ASPH: variants seen among roughly 807,000 people sequenced by gnomAD.
ASPH encodes aspartate beta-hydroxylase, also known as aspartyl/asparaginyl beta-hydroxylase.
Under a neutral mutation model 118.4 loss-of-function variants are expected in ASPH, and 100 were observed. The ratio of observed to expected loss-of-function variants is 0.84; its 90% CI spans 0.72 to 1.00. The LOEUF is 1.00. Ranked by LOEUF, ASPH falls within the 50% of genes least tolerant of loss-of-function variation. The pLI, the probability that ASPH is intolerant of heterozygous loss-of-function variation, is 0.00. For synonymous variants in ASPH, 315 were observed against 325.6 expected, an observed-to-expected ratio of 0.97 and a Z score of 0.35; for missense variants, 920 against 919.5, an observed-to-expected ratio of 1.00 and a Z score of -0.01.
intron 3 of ASPH, chr8:61,676,186 C>A (rs1266694499): frequency 2.5e-6 from 4 of 1,598,926 alleles, no homozygotes; most frequent in Non-Finnish European, 3.4e-6. Flanking sequence ...CTTCTTCTAG[C>A]ATTTCAAAAG....
At chr8:61,605,266 A>G (rs181785512) in intron 14 of ASPH, among the ~76,000 whole-genome samples, 1 of 152,312 alleles carries the variant, frequency 6.6e-6, no homozygotes, top group East Asian at 1.9e-4. Context: ...ATATCAGATT[A>G]CTCTTCTATT....
chr8:61,554,682 C>CA (rs1563799522), intron 19 of ASPH, among the ~76,000 whole-genome samples: 1 of 150,828 alleles, frequency 6.6e-6, no homozygotes, highest in Non-Finnish European at 1.5e-5. Flanking sequence ...GTAGAAAATT[C>CA]TTTTTTTTTA....
chr8:61,585,817 A>C (rs1251133256), intron 14 of ASPH, among the ~76,000 whole-genome samples: 2 of 152,180 alleles, frequency 1.3e-5, no homozygotes, highest in Non-Finnish European at 2.9e-5. Flanking sequence ...CAGGGGTCTG[A>C]GTCCCAGCTC....
At chr8:61,698,892 C>T (rs941434819) in intron 1 of ASPH, among the ~76,000 whole-genome samples, 5 of 152,216 alleles carry the variant, frequency 3.3e-5, no homozygotes, top group Non-Finnish European at 7.3e-5. Flanking sequence ...TAAACACCAA[C>T]AATGGCTGCA....
At chr8:61,538,233 C>T (rs189555206) in intron 21 of ASPH, among the ~76,000 whole-genome samples, 3 of 152,160 alleles carry the variant, frequency 2.0e-5, no homozygotes, top group Non-Finnish European at 4.4e-5. Context: ...TTATGGAGCC[C>T]TTTTAAAAAG....
intron 22 of ASPH, among the ~76,000 whole-genome samples, chr8:61,521,386 C>T (rs558030639): frequency 7.2e-6 from 1 of 139,648 alleles, no homozygotes; most frequent in Non-Finnish European, 1.5e-5. Flanking sequence ...CTAGTGCTCA[C>T]TGATCCTAGT....
chr8:61,643,654 A>G (rs1181182063), intron 8 of ASPH, among the ~76,000 whole-genome samples: 4 of 152,246 alleles, frequency 2.6e-5, no homozygotes, highest in African/African-American at 7.2e-5. Context: ...GAATGACTTT[A>G]TAGTACATCA....
intron 14 of ASPH, among the ~76,000 whole-genome samples, chr8:61,586,838 T>G (rs565820111): frequency 2.0e-5 from 3 of 152,312 alleles, no homozygotes; most frequent in Middle Eastern, 3.4e-3. Flanking sequence ...TAGAAGGAAC[T>G]TGAAGTTCAG....
chr8:61,649,173 A>T (rs1261018959), intron 5 of ASPH, among the ~76,000 whole-genome samples: 2 of 152,216 alleles, frequency 1.3e-5, no homozygotes, highest in African/African-American at 2.4e-5. Flanking sequence ...CCACGGTCAC[A>T]CCGAGGCCCT....
chr8:61,525,575 G>A (rs968778670), intron 22 of ASPH, among the ~76,000 whole-genome samples: 12 of 152,058 alleles, frequency 7.9e-5, no homozygotes, highest in Non-Finnish European at 1.3e-4. Context: ...GCCATGCAAC[G>A]TCACCTCCAT....
intron 20 of ASPH, among the ~76,000 whole-genome samples, chr8:61,552,276 G>A (rs761021992): frequency 3.3e-5 from 5 of 152,178 alleles, no homozygotes; most frequent in East Asian, 1.9e-4. Flanking sequence ...TGCATAAATC[G>A]TAAATCATGG....
intron 14 of ASPH, among the ~76,000 whole-genome samples, chr8:61,609,194 G>A (rs573559135): frequency 1.2e-4 from 18 of 152,230 alleles, no homozygotes; most frequent in African/African-American, 4.1e-4. Flanking sequence ...GGCTAGCGAC[G>A]GGGCTTTCTG....
In ASPH at chr8:61,692,916, T is replaced by C. The variant is rs77478193; in HGVS notation, c.104-8728A>G. ...GAAGTAGTTCTTGCTTTTACCAATTTCCAGACCATCATTTCCTTACCCACC... is the reference window on the plus strand; with the variant it reads ...GAAGTAGTTCTTGCTTTTACCAATTCCCAGACCATCATTTCCTTACCCACC... On this transcript the variant is annotated intron_variant, in intron 1 of 24. Coordinates refer to ENST00000379454, the MANE Select transcript of ASPH (RefSeq NM_004318.4). Among the ~76,000 whole-genome samples the C allele has an allele frequency of 5.2e-3, 773 of 149,732 alleles. 10 individuals are homozygous for C. Among genetic ancestry groups the C allele is most frequent in the African/African-American group, 0.018 (733 of 40,574 alleles).
chr8:61,524,868 T>C (rs761657141), intron 22 of ASPH, among the ~76,000 whole-genome samples: 57 of 150,718 alleles, frequency 3.8e-4, no homozygotes, highest in Non-Finnish European at 6.9e-4. Flanking sequence ...AGGATGTTAA[T>C]GGAATCAAAG....
intron 3 of ASPH, chr8:61,656,423 G>A (rs1395578885): frequency 6.6e-6 from 1 of 152,192 alleles, no homozygotes; most frequent in Non-Finnish European, 1.5e-5. Flanking sequence ...AGAAGCAAAA[G>A]GAGCATCTCT....
rs373467138 is a variant in ASPH at position 61,553,106 on chromosome 8, G to A, written c.1551C>T (p.Ser517=). The A allele has an allele frequency of 5.6e-5, 91 of 1,613,080 alleles. No individual in the cohort carries two copies. The South Asian group carries it at 6.4e-4, about 11-fold the overall frequency. The change falls in exon 20 of 25, where the codon TCC becomes TCT. Residue 517 remains serine (S), a synonymous_variant. Coordinates refer to ENST00000379454, the MANE Select transcript of ASPH (RefSeq NM_004318.4). Reference sequence around the variant, plus strand: ...TCCCATCATCAGTGCCAGGATCTCCGGATTCTATTCCTTCCTGTAGAAAGG... The same window carrying A: ...TCCCATCATCAGTGCCAGGATCTCCAGATTCTATTCCTTCCTGTAGAAAGG... The part of the protein sequence containing the change: ...SIPYLKEGIE[S]GDPGTDDGRF...
intron 15 of ASPH, chr8:61,578,365 G>A: frequency 6.2e-7 from 1 of 1,606,912 alleles, no homozygotes; most frequent in Non-Finnish European, 8.5e-7. Flanking sequence ...TTTCGGGGTG[G>A]CCTGGGAGGC....
intron 16 of ASPH, among the ~76,000 whole-genome samples, chr8:61,570,653 T>C (rs1833217039): frequency 6.6e-6 from 1 of 152,214 alleles, no homozygotes; most frequent in Admixed American, 6.5e-5. Context: ...AGCTCTTGAA[T>C]AAAACTGATA....
chr8:61,550,497 G>GAC (rs1269117563), intron 20 of ASPH, among the ~76,000 whole-genome samples: 16 of 150,904 alleles, frequency 1.1e-4, no homozygotes, highest in African/African-American at 3.4e-4. Context: ...GAGAGAGAGA[G>GAC]AGACAGAGAC....
Sources: gnomAD v4.1 joint callset for allele counts (sites outside exome capture counted in the v4.1 genomes callset) on GRCh38, gnomAD v4.1.1 for gene constraint, MANE v1.5 for transcripts, NCBI Gene and HGNC (gene_info 2026-07-23, HGNC 2026-07-21) for gene names.